Variants in ZNF423 observed in about 807,000 individuals in gnomAD.
ZNF423 encodes the protein zinc finger protein 423, also known as Ebf-associated zinc finger protein.
ZNF423 carries 12 observed loss-of-function variants against 95.8 expected under a neutral mutation model. The ratio of observed to expected loss-of-function variants is 0.13; its 90% CI spans 0.08 to 0.20. ZNF423 has a LOEUF of 0.20. ZNF423 is among the 10% of genes least tolerant of loss of function. The pLI is 1.00. For synonymous variants in ZNF423, 749 were observed against 711.9 expected, an observed-to-expected ratio of 1.05 and a Z score of -0.83; for missense variants, 1,316 against 1,737.1, an observed-to-expected ratio of 0.76 and a Z score of 4.31.
chr16:49,848,410 A>G (rs964661182), intron 1 of ZNF423, among the ~76,000 whole-genome samples: 1 of 152,236 alleles, frequency 6.6e-6, no homozygotes, highest in African/African-American at 2.4e-5. Flanking sequence ...ATGAATATTC[A>G]AAACAGTGAG....
At chr16:49,706,741 G>T (rs534781852) in intron 3 of ZNF423, among the ~76,000 whole-genome samples, 26 of 152,312 alleles carry the variant, frequency 1.7e-4, no homozygotes, top group Admixed American at 7.8e-4. Flanking sequence ...TCACCCGAAG[G>T]TCTTCTGCCT....
At chr16:49,834,204 C>T (rs1260291052) in intron 1 of ZNF423, among the ~76,000 whole-genome samples, 1 of 152,166 alleles carries the variant, frequency 6.6e-6, no homozygotes, top group Non-Finnish European at 1.5e-5. Flanking sequence ...CCACTACATA[C>T]AGCCTATATA....
chr16:49,836,657 G>T (rs1481100829), intron 1 of ZNF423, among the ~76,000 whole-genome samples: 1 of 152,126 alleles, frequency 6.6e-6, no homozygotes, highest in East Asian at 1.9e-4. Context: ...CTGCAGAGGG[G>T]ATTCATGAGA....
At chr16:49,659,291 G>A (rs2030069950) in intron 3 of ZNF423, among the ~76,000 whole-genome samples, 1 of 152,176 alleles carries the variant, frequency 6.6e-6, no homozygotes, top group Admixed American at 6.5e-5. Context: ...GACTCGCTAT[G>A]TATGTTGCCA....
At chr16:49,564,932 C>T (rs899495093) in intron 5 of ZNF423, among the ~76,000 whole-genome samples, 2 of 152,184 alleles carry the variant, frequency 1.3e-5, no homozygotes, top group South Asian at 2.1e-4. Context: ...CGGCATTCCA[C>T]GGGTCCCTCT....
chr16:49,514,242 ACACG>A (rs1330666943), intron 7 of ZNF423, among the ~76,000 whole-genome samples: 4 of 141,284 alleles, frequency 2.8e-5, no homozygotes, highest in African/African-American at 5.7e-5. Flanking sequence ...ACACACACGC[ACACG>A]CACACACACA....
At chr16:49,786,702 G>A (rs1300081552) in intron 2 of ZNF423, among the ~76,000 whole-genome samples, 2 of 152,200 alleles carry the variant, frequency 1.3e-5, no homozygotes, top group Admixed American at 6.5e-5. Flanking sequence ...GGAGGACTTG[G>A]GTTCGAGTCC....
chr16:49,613,388 G>T (rs1227710440), intron 5 of ZNF423, among the ~76,000 whole-genome samples: 1 of 152,164 alleles, frequency 6.6e-6, no homozygotes, highest in African/African-American at 2.4e-5. Context: ...TTTAACAAAG[G>T]TGCAAAAACA....
chr16:49,673,078 G>C (rs1014419569), intron 3 of ZNF423, among the ~76,000 whole-genome samples: 1 of 152,062 alleles, frequency 6.6e-6, no homozygotes, highest in Non-Finnish European at 1.5e-5. Context: ...ACCCCGCCGT[G>C]GTACACAGGT....
chr16:49,567,127 A>G (rs986247967), intron 5 of ZNF423, among the ~76,000 whole-genome samples: 6 of 152,196 alleles, frequency 3.9e-5, no homozygotes, highest in East Asian at 3.9e-4. Flanking sequence ...AATTCAAGGC[A>G]CAGAAAGGAA....
intron 3 of ZNF423, among the ~76,000 whole-genome samples, chr16:49,718,895 G>A (rs1035803799): frequency 6.6e-6 from 1 of 152,100 alleles, no homozygotes; most frequent in East Asian, 1.9e-4. Context: ...GAATTTGGGG[G>A]AAAAGCAAAC....
intron 2 of ZNF423, among the ~76,000 whole-genome samples, chr16:49,763,854 G>T (rs564155694): frequency 1.3e-5 from 2 of 152,114 alleles, no homozygotes; most frequent in Non-Finnish European, 2.9e-5. Context: ...AGATCAGCCC[G>T]TTCCTTCCTT....
rs116919490 is a variant in ZNF423, at chr16:49,701,373, C to G, written c.301+29398G>C. Among the ~76,000 whole-genome samples, 44 of 152,248 alleles carry G rather than the reference C, an allele frequency of 2.9e-4. No individual in the cohort carries two copies. In the East Asian group the frequency reaches 8.1e-3, roughly 28 times the overall value. On this transcript the variant is annotated intron_variant, in intron 3 of 7. Coordinates refer to ENST00000563137, the MANE Select transcript of ZNF423 (RefSeq NM_001379286.1). ...TTGATATTTCCTACGCTGATGGCCC[C>G]AACCAGCGACGAGGATTTGAAACCA...
At chr16:49,835,864 G>A (rs926779062) in intron 1 of ZNF423, among the ~76,000 whole-genome samples, 1 of 152,178 alleles carries the variant, frequency 6.6e-6, no homozygotes, top group Non-Finnish European at 1.5e-5. Flanking sequence ...GGGCCCAGGA[G>A]GGGCACACAC....
chr16:49,637,427 G>A lies in ZNF423; in HGVS notation c.1749C>T (p.Gly583=). The change falls in exon 4 of 8, where the codon GGC becomes GGT. Residue 583 remains glycine (G), a synonymous_variant. Transcript: ENST00000563137. The surrounding 1 kb of genome is among the most constrained non-coding windows in gnomAD (Gnocchi z 5.6). Reference sequence around the variant, plus strand: ...TGTGCTTGGTGAGTTTCAGGATGGAGCCAAAGATGGGGGAGTTGGTGCAGT... The same window carrying A: ...TGTGCTTGGTGAGTTTCAGGATGGAACCAAAGATGGGGGAGTTGGTGCAGT... ...CPYCTNSPIF[G]SILKLTKHIK... is the part of the protein sequence containing the mutation. The A allele has an allele frequency of 6.2e-7, 1 of 1,614,184 alleles. No individual in the cohort carries two copies. Among genetic ancestry groups the A allele is most frequent in the Non-Finnish European group, 8.5e-7 (1 of 1,180,052 alleles).
chr16:49,755,166 C>T (rs569472011), intron 2 of ZNF423, among the ~76,000 whole-genome samples: 2 of 152,266 alleles, frequency 1.3e-5, no homozygotes, highest in South Asian at 4.2e-4. Flanking sequence ...CTCTCTGGAG[C>T]CAGAATGCAA....
chr16:49,796,341 C>T lies in ZNF423; in HGVS notation c.41-6795G>A, dbSNP rs76759923. On this transcript the variant is annotated intron_variant, in intron 1 of 7. Coordinates refer to ENST00000563137, the MANE Select transcript of ZNF423 (RefSeq NM_001379286.1). ...GTGGCACTAGGCAGACACCTGCATG[C>T]ACCACCTCCTCCAGGTCACTTGCTC... 1.6e-4 allele frequency among the ~76,000 whole-genome samples: 25 copies of T among 152,298 alleles called. 1 individual carries two copies. In the East Asian group the frequency reaches 4.8e-3, roughly 29 times the overall value.
intron 5 of ZNF423, among the ~76,000 whole-genome samples, chr16:49,585,003 G>A (rs1597138779): frequency 1.3e-5 from 2 of 152,228 alleles, no homozygotes; most frequent in Admixed American, 1.3e-4. Context: ...AAGTGCACCA[G>A]GCTCCTCTAA....
intron 5 of ZNF423, among the ~76,000 whole-genome samples, chr16:49,544,004 GTTAAA>G (rs1369417631): frequency 1.3e-5 from 2 of 152,212 alleles, no homozygotes; most frequent in Non-Finnish European, 2.9e-5. Flanking sequence ...ACTGTCAGCT[GTTAAA>G]TTAACACCGT....
Sources: gnomAD v4.1 joint callset for allele counts (sites outside exome capture counted in the v4.1 genomes callset) on GRCh38, gnomAD v4.1.1 for gene constraint, Gnocchi (gnomAD v3.1) non-coding constraint, MANE v1.5 for transcripts, NCBI Gene and HGNC (gene_info 2026-07-23, HGNC 2026-07-21) for gene names.